The following KHDRBS2 variants were observed in gnomAD, a reference collection of about 807,000 sequenced individuals.
The protein encoded by KHDRBS2 is KH RNA binding domain containing, signal transduction associated 2.
Under a neutral mutation model 44.3 loss-of-function variants are expected in KHDRBS2, and 26 were observed. The ratio of observed to expected loss-of-function variants is 0.59; its 90% CI spans 0.43 to 0.81. The LOEUF (loss-of-function observed/expected upper bound fraction) is 0.81, where lower values mean the gene tolerates loss of function less well. Ranked by LOEUF, KHDRBS2 falls within the 40% of genes least tolerant of loss-of-function variation. The pLI, the probability that KHDRBS2 is intolerant of heterozygous loss-of-function variation, is 0.00. For synonymous variants in KHDRBS2, 194 were observed against 151.1 expected, an observed-to-expected ratio of 1.28 and a Z score of -2.08; for missense variants, 476 against 433.1, an observed-to-expected ratio of 1.10 and a Z score of -0.88.
intron 1 of KHDRBS2, among the ~76,000 whole-genome samples, chr6:62,178,605 A>G (rs1353368902): frequency 6.6e-6 from 1 of 151,616 alleles, no homozygotes; most frequent in Non-Finnish European, 1.5e-5. Context: ...CAAAGTAGGA[A>G]TGAGACGTTA....
the KHDRBS2 span, among the ~76,000 whole-genome samples, chr6:61,644,566 A>C: frequency 6.6e-6 from 1 of 152,164 alleles, no homozygotes; most frequent in Admixed American, 6.6e-5. Flanking sequence ...GCTCTGACAA[A>C]GGTCTAATAT....
At chr6:61,890,596 G>A (rs2127326546) in intron 6 of KHDRBS2, among the ~76,000 whole-genome samples, 1 of 152,294 alleles carries the variant, frequency 6.6e-6, no homozygotes, top group East Asian at 1.9e-4. Context: ...ATCTGTTTAA[G>A]CCTCTATTTG....
chr6:61,764,192 G>A (rs6938276), intron 6 of KHDRBS2, among the ~76,000 whole-genome samples: 59,262 of 152,080 alleles, frequency 0.39, 11,808 homozygotes, highest in East Asian at 0.48. Context: ...ATAGTATTCT[G>A]TGGTGTATAT....
intron 7 of KHDRBS2, among the ~76,000 whole-genome samples, chr6:61,720,439 G>C (rs1391351341): frequency 1.6e-4 from 24 of 152,050 alleles, no homozygotes; most frequent in Non-Finnish European, 2.9e-4. Context: ...TCCAGCACCT[G>C]TTGTTTCCTG....
At chr6:61,984,042 T>G (rs533214824) in intron 3 of KHDRBS2, among the ~76,000 whole-genome samples, 1 of 152,306 alleles carries the variant, frequency 6.6e-6, no homozygotes, top group South Asian at 2.1e-4. Context: ...AAAAGCTTTC[T>G]GACTTCACAT....
At chr6:61,924,248 C>T (rs770779034) in intron 4 of KHDRBS2, among the ~76,000 whole-genome samples, 15 of 151,876 alleles carry the variant, frequency 9.9e-5, no homozygotes, top group Non-Finnish European at 1.8e-4. Flanking sequence ...ATTGATTTAC[C>T]CATTTAATTC....
At chr6:62,231,776 G>T (rs2150159628) in intron 1 of KHDRBS2, among the ~76,000 whole-genome samples, 1 of 152,122 alleles carries the variant, frequency 6.6e-6, no homozygotes, top group South Asian at 2.1e-4. Flanking sequence ...TATTCTTCGT[G>T]AAGAATTTTC....
intron 6 of KHDRBS2, among the ~76,000 whole-genome samples, chr6:61,782,909 T>A (rs1783233210): frequency 6.6e-6 from 1 of 151,730 alleles, no homozygotes; most frequent in African/African-American, 2.4e-5. Flanking sequence ...CTTATGGCAA[T>A]GGCAGAAACA....
intron 3 of KHDRBS2, among the ~76,000 whole-genome samples, chr6:62,027,962 G>C (rs546972104): frequency 5.3e-5 from 8 of 152,196 alleles, no homozygotes; most frequent in Admixed American, 3.9e-4. Flanking sequence ...GTCGTTGTAG[G>C]AATCTCCAGT....
At chr6:62,151,146 T>C (rs1386344509) in intron 2 of KHDRBS2, among the ~76,000 whole-genome samples, 3 of 152,192 alleles carry the variant, frequency 2.0e-5, no homozygotes, top group South Asian at 2.1e-4. Context: ...ATCGATCACA[T>C]ACTATTGATG....
At chr6:61,702,735 T>A (rs1768891218) in intron 7 of KHDRBS2, among the ~76,000 whole-genome samples, 1 of 151,916 alleles carries the variant, frequency 6.6e-6, no homozygotes, top group Non-Finnish European at 1.5e-5. Context: ...ATGTCTTTTC[T>A]GATAAAAATA....
chr6:61,734,671 AATATAATTCTGT>A (rs1394467273), intron 6 of KHDRBS2, among the ~76,000 whole-genome samples: 3 of 152,098 alleles, frequency 2.0e-5, no homozygotes, highest in African/African-American at 7.2e-5. Flanking sequence ...TAAATTATTT[AATATAATTCTGT>A]TTTTATTCTC....
At chr6:61,628,720 A>C in the KHDRBS2 span, among the ~76,000 whole-genome samples, 1 of 152,086 alleles carries the variant, frequency 6.6e-6, no homozygotes, top group Non-Finnish European at 1.5e-5. Context: ...TTTTTGTAGC[A>C]CTTATTGTAT....
chr6:62,205,859 A>G lies in KHDRBS2; in HGVS notation c.92-28547T>C, dbSNP rs913428333. On this transcript the variant is annotated intron_variant, in intron 1 of 8. Coordinates refer to ENST00000281156, the MANE Select transcript of KHDRBS2 (RefSeq NM_152688.4). ...TTGTGATTATATTAACTGTGACAGG[A>G]AATGAAAGCGAAAGAGCAGGTTTGC... Among the ~76,000 whole-genome samples, 6 of 152,164 alleles carry G rather than the reference A, an allele frequency of 3.9e-5. 1 individual carries two copies. Among genetic ancestry groups the G allele is most frequent in the Non-Finnish European group, 7.4e-5 (5 of 68,020 alleles).
intron 6 of KHDRBS2, among the ~76,000 whole-genome samples, chr6:61,892,362 A>T (rs1425116713): frequency 6.6e-6 from 1 of 152,222 alleles, no homozygotes. Context: ...ATCCCCATCA[A>T]GCTACCAATG....
intron 2 of KHDRBS2, among the ~76,000 whole-genome samples, chr6:62,169,459 A>C (rs528108020): frequency 2.0e-5 from 3 of 152,040 alleles, no homozygotes; most frequent in Non-Finnish European, 4.4e-5. Context: ...TACTGCTCTC[A>C]TGGAGAGGAA....
the KHDRBS2 span, among the ~76,000 whole-genome samples, chr6:61,618,764 G>T: frequency 6.6e-6 from 1 of 152,130 alleles, no homozygotes; most frequent in Non-Finnish European, 1.5e-5. Flanking sequence ...AAGAATAATG[G>T]CCTCCAGCTC....
chr6:62,094,805 A>G (rs1424979941), intron 2 of KHDRBS2, among the ~76,000 whole-genome samples: 5 of 151,902 alleles, frequency 3.3e-5, no homozygotes, highest in Admixed American at 6.6e-5. Flanking sequence ...ATCACCATTT[A>G]TCGAGGGGTC....
chr6:61,825,796 T>C (rs1790765810), intron 6 of KHDRBS2, among the ~76,000 whole-genome samples: 1 of 152,132 alleles, frequency 6.6e-6, no homozygotes, highest in African/African-American at 2.4e-5. Flanking sequence ...CCTCTTTGAG[T>C]CTTGGTGTCC....
Sources: allele counts gnomAD v4.1 joint callset (sites outside exome capture counted in the v4.1 genomes callset), GRCh38; gene constraint gnomAD v4.1.1; transcripts MANE v1.5; gene names NCBI Gene and HGNC (gene_info 2026-07-23, HGNC 2026-07-21).